The following CPNE5 variants were observed in gnomAD, a reference collection of about 807,000 sequenced individuals.
The protein encoded by CPNE5 is copine 5.
In CPNE5, 42 loss-of-function variants were observed where a neutral mutation model predicts 81.1. The ratio of observed to expected loss-of-function variants is 0.52; its 90% CI spans 0.40 to 0.67. The LOEUF (loss-of-function observed/expected upper bound fraction) is 0.67. CPNE5 is among the 30% of genes least tolerant of loss of function. The pLI is 0.00. For synonymous variants in CPNE5, 313 were observed against 321.5 expected, an observed-to-expected ratio of 0.97 and a Z score of 0.28; for missense variants, 612 against 815.5, an observed-to-expected ratio of 0.75 and a Z score of 3.04.
intron 8 of CPNE5, among the ~76,000 whole-genome samples, chr6:36,780,644 T>C (rs980351982): frequency 6.6e-6 from 1 of 152,176 alleles, no homozygotes; most frequent in South Asian, 2.1e-4. Context: ...CCAGCCACAG[T>C]GTGTGTGACC....
Position 36,839,390 on chromosome 6 carries a change from C to A in CPNE5, c.-13G>T. ...CAGGCTGCTCCATCGCCCACCGCAC[C>A]CCCCACCCCAAATTAGTCAATCCCT... On this transcript the variant is annotated 5_prime_UTR_variant, in exon 1 of 21. Coordinates refer to ENST00000244751, the MANE Select transcript of CPNE5 (RefSeq NM_020939.2). The surrounding 1 kb of genome is among the most constrained non-coding windows in gnomAD (Gnocchi z 7.3). 6.5e-7 allele frequency: 1 copy of A among 1,537,702 alleles called. No homozygotes were observed. The highest frequency in any genetic ancestry group is 8.8e-7 in the Non-Finnish European group (1 of 1,138,326).
chr6:36,806,364 T>C (rs781534195), intron 3 of CPNE5, among the ~76,000 whole-genome samples: 8 of 152,140 alleles, frequency 5.3e-5, no homozygotes, highest in Non-Finnish European at 1.0e-4. Context: ...GGGGTATTTC[T>C]TCCCACTCCT....
chr6:36,819,563 T>C (rs1055462907), intron 3 of CPNE5, among the ~76,000 whole-genome samples: 1 of 152,084 alleles, frequency 6.6e-6, no homozygotes, highest in African/African-American at 2.4e-5. Flanking sequence ...AGAAGGGAAA[T>C]TCATTAATAA....
rs1215130387 is a variant in CPNE5, at chr6:36,800,401, G to A, written c.184-331C>T. 2.6e-5 allele frequency among the ~76,000 whole-genome samples: 4 copies of A among 152,150 alleles called. No individual in the cohort carries two copies. In the East Asian group the frequency reaches 5.8e-4, roughly 22 times the overall value. The stretch of plus-strand genomic sequence containing the variant: ...TATCCTCATTCCTTCAAGGCCTGAT[G>A]TAAATGCCACCTCCTCCAGGAAGCC... On this transcript the variant is annotated intron_variant, in intron 3 of 20. Coordinates refer to ENST00000244751, the MANE Select transcript of CPNE5 (RefSeq NM_020939.2).
chr6:36,822,176 A>G lies in CPNE5; in HGVS notation c.137-16T>C. 1 of 1,494,450 alleles carries G rather than the reference A, an allele frequency of 6.7e-7. No individual in the cohort carries two copies. Among genetic ancestry groups the G allele is most frequent in the Non-Finnish European group, 9.0e-7 (1 of 1,109,524 alleles). The allele number at this position is 1,494,450 out of a possible 1,614,324, so 92.6% of individuals were successfully genotyped here. On this transcript the variant is annotated splice_polypyrimidine_tract_variant and intron_variant, in intron 2 of 20. Transcript: ENST00000244751. ...ATGACGCACACTGCGGGGGGAGGAG[A>G]AACAGTGGATTAATACCTCAGGCCA...
intron 10 of CPNE5, among the ~76,000 whole-genome samples, chr6:36,772,865 T>G (rs1361071801): frequency 6.6e-6 from 1 of 152,122 alleles, no homozygotes; most frequent in African/African-American, 2.4e-5. Flanking sequence ...TCTTTTTTTT[T>G]TCTTGAGACA....
chr6:36,802,995 C>T (rs1770265829), intron 3 of CPNE5, among the ~76,000 whole-genome samples: 1 of 152,114 alleles, frequency 6.6e-6, no homozygotes, highest in East Asian at 1.9e-4. Context: ...GTGGAGGTCG[C>T]AGTGAACTAA....
intron 6 of CPNE5, among the ~76,000 whole-genome samples, chr6:36,797,568 C>T (rs113151397): frequency 1.2e-4 from 18 of 152,326 alleles, no homozygotes; most frequent in African/African-American, 3.1e-4. Context: ...CCTCACCACA[C>T]GGCCAGCCCT....
At chr6:36,750,333 T>C (rs1398727722) in intron 14 of CPNE5, among the ~76,000 whole-genome samples, 1 of 150,676 alleles carries the variant, frequency 6.6e-6, no homozygotes, top group Non-Finnish European at 1.5e-5. Flanking sequence ...CTGCTGCTCA[T>C]GGAACCCTCA....
chr6:36,802,973 A>T (rs774766223), intron 3 of CPNE5, among the ~76,000 whole-genome samples: 10 of 152,084 alleles, frequency 6.6e-5, no homozygotes, highest in Non-Finnish European at 1.3e-4. Flanking sequence ...CAGGAGAATC[A>T]CTTAAACCCA....
intron 1 of CPNE5, among the ~76,000 whole-genome samples, chr6:36,835,331 A>G (rs113736474): frequency 0.015 from 2,360 of 152,270 alleles, 43 homozygotes; most frequent in Middle Eastern, 0.02. Context: ...GTTTTGATTG[A>G]CTCGGCAGGA....
At chr6:36,838,714 A>G (rs1583083120) in intron 1 of CPNE5, 6 of 964,950 alleles carry the variant, frequency 6.2e-6, no homozygotes, top group Non-Finnish European at 7.4e-6. Context: ...GAATGAGTCA[A>G]TCTGATCCTT....
chr6:36,777,364 C>T (rs939713808), intron 9 of CPNE5, among the ~76,000 whole-genome samples: 3 of 151,806 alleles, frequency 2.0e-5, no homozygotes, highest in African/African-American at 7.3e-5. Context: ...GCACCCTCCC[C>T]ACCCATCCTA....
intron 8 of CPNE5, among the ~76,000 whole-genome samples, chr6:36,782,208 G>A (rs528173466): frequency 2.0e-5 from 3 of 152,236 alleles, no homozygotes; most frequent in South Asian, 4.2e-4. Context: ...GATCTCGCAC[G>A]AATCTGGAAG....
In CPNE5 at chr6:36,742,253, C is replaced by G. The variant is rs773009676; in HGVS notation, c.*15G>C. On this transcript the variant is annotated 3_prime_UTR_variant, in exon 21 of 21. Coordinates refer to ENST00000244751, the MANE Select transcript of CPNE5 (RefSeq NM_020939.2). Reference sequence around the variant, plus strand: ...CCTCTCCCAGGCCCCAGCCACCTGCCTGCTGAGACCAGGTTCAGATGTGCG... The same window carrying G: ...CCTCTCCCAGGCCCCAGCCACCTGCGTGCTGAGACCAGGTTCAGATGTGCG... 4.2e-5 allele frequency: 65 copies of G among 1,545,300 alleles called. No homozygotes were observed. Among genetic ancestry groups the G allele is most frequent in the Non-Finnish European group, 5.3e-5 (61 of 1,142,164 alleles).
At chr6:36,837,713 C>G (rs1275661965) in intron 1 of CPNE5, among the ~76,000 whole-genome samples, 1 of 151,872 alleles carries the variant, frequency 6.6e-6, no homozygotes, top group African/African-American at 2.4e-5. Context: ...GGATCATGAA[C>G]TTGGGGAGAT....
In CPNE5 at chr6:36,742,319, C is replaced by T. The variant is rs759341832; in HGVS notation, c.1731G>A (p.Ser577=). Residue 577 remains serine (S), a synonymous_variant, in exon 21 of 21, where the codon TCG becomes TCA. Transcript: ENST00000244751. ...PPPAAPTHSP[S]QSPARTPPAS... ...CAGGGGGCGTGCGGGCTGGGGACTG[C>T]GAGGGCGAGTGGGTTGGTGCTGCGG... 25 of 1,609,874 alleles carry T rather than the reference C, an allele frequency of 1.6e-5. No individual in the cohort carries two copies. The highest frequency in any genetic ancestry group is 4.4e-5 in the South Asian group (4 of 90,962).
chr6:36,835,116 GC>G (rs1773365888), intron 1 of CPNE5, among the ~76,000 whole-genome samples: 1 of 152,234 alleles, frequency 6.6e-6, no homozygotes, highest in South Asian at 2.1e-4. Context: ...TTCCAGACTC[GC>G]CCCGCCGCGT....
chr6:36,764,068 C>A (rs1283047745), intron 11 of CPNE5, among the ~76,000 whole-genome samples: 10 of 151,880 alleles, frequency 6.6e-5, no homozygotes, highest in African/African-American at 2.4e-4. Context: ...CAAGAGGTGT[C>A]CCTGGGGCCC....
Sources: allele counts gnomAD v4.1 joint callset (sites outside exome capture counted in the v4.1 genomes callset), GRCh38; gene constraint gnomAD v4.1.1; non-coding constraint Gnocchi (gnomAD v3.1); transcripts MANE v1.5; gene names NCBI Gene and HGNC (gene_info 2026-07-23, HGNC 2026-07-21).